LIPA: variants seen among roughly 807,000 people sequenced by gnomAD.
LIPA encodes the protein lipase A, lysosomal acid type.
A neutral mutation model predicts 40.6 loss-of-function variants in LIPA; 26 were observed. That is an observed-to-expected ratio of 0.64 (90% CI 0.47 to 0.89). The LOEUF is 0.89. LIPA is among the 40% of genes least tolerant of loss of function. The probability of loss-of-function intolerance (pLI) is 0.00; values close to 1 mark genes in which losing one functional copy is unlikely to be tolerated. For synonymous variants in LIPA, 188 were observed against 168.4 expected, an observed-to-expected ratio of 1.12 and a Z score of -0.90; for missense variants, 455 against 479.6, an observed-to-expected ratio of 0.95 and a Z score of 0.48.
rs570462903 is a variant in LIPA, at chr10:89,241,143, C to T, written c.229+4533G>A. ...GTTGAGAACAGAGGACAGGTCAGAGCGGTTAACCAGGAGGAAGAGGAGGGA... is the reference window on the plus strand; with the variant it reads ...GTTGAGAACAGAGGACAGGTCAGAGTGGTTAACCAGGAGGAAGAGGAGGGA... On this transcript the variant is annotated intron_variant, in intron 3 of 9. Transcript: ENST00000336233. 3.3e-5 allele frequency among the ~76,000 whole-genome samples: 5 copies of T among 152,248 alleles called. No homozygotes were observed. The East Asian group carries it at 7.7e-4, about 23-fold the overall frequency.
intron 2 of LIPA, among the ~76,000 whole-genome samples, chr10:89,395,010 T>A (rs1312113765): frequency 6.6e-6 from 1 of 152,234 alleles, no homozygotes; most frequent in East Asian, 1.9e-4. Context: ...AGTTGGACTT[T>A]CTCATTCCAG....
At chr10:89,359,618 C>G (rs1339776365) in intron 2 of LIPA, among the ~76,000 whole-genome samples, 1 of 152,160 alleles carries the variant, frequency 6.6e-6, no homozygotes, top group Non-Finnish European at 1.5e-5. Context: ...TGGACTGAAG[C>G]CCTCATCAAG....
chr10:89,307,161 A>G, intron 1 of LIPA: 1 of 1,614,044 alleles, frequency 6.2e-7, no homozygotes, highest in Non-Finnish European at 8.5e-7. Context: ...GTAAAAATAA[A>G]CCAGAAATCA....
chr10:89,359,490 G>C (rs1564799307), intron 2 of LIPA, among the ~76,000 whole-genome samples: 1 of 152,198 alleles, frequency 6.6e-6, no homozygotes, highest in Admixed American at 6.5e-5. Flanking sequence ...CAGGAAACCA[G>C]GTTGACCTGC....
intron 3 of LIPA, among the ~76,000 whole-genome samples, chr10:89,236,926 T>C (rs1842912312): frequency 6.6e-6 from 1 of 152,182 alleles, no homozygotes; most frequent in South Asian, 2.1e-4. Context: ...AGTTGGAGAA[T>C]TTAATGCCAA....
At chr10:89,359,727 G>T (rs774712921) in intron 2 of LIPA, among the ~76,000 whole-genome samples, 1 of 152,082 alleles carries the variant, frequency 6.6e-6, no homozygotes, top group Non-Finnish European at 1.5e-5. Flanking sequence ...AGGAAAACAC[G>T]TGTCACCTAA....
At position 89,289,849 on chromosome 10, in the gene LIPA, C is replaced by T. The variant is rs149679147; in HGVS notation, c.-1-42200G>A. On this transcript the variant is annotated intron_variant, in intron 1 of 5. Coordinates refer to the LIPA transcript ENST00000282673. ...GTTCCCATTCTTAGGCCACCCTCTA[C>T]CTCTCCCCAGCTATCTCCACCACAC... Among the ~76,000 whole-genome samples, 611 of 152,288 alleles carry T rather than the reference C, an allele frequency of 4.0e-3. 3 individuals carry two copies. The highest frequency in any genetic ancestry group is 6.8e-3 in the Middle Eastern group (2 of 294).
intron 2 of LIPA, among the ~76,000 whole-genome samples, chr10:89,348,508 TG>T: frequency 6.6e-6 from 1 of 152,338 alleles, no homozygotes; most frequent in East Asian, 1.9e-4. Flanking sequence ...TGAACAAAAC[TG>T]GGGTCCACTT....
intron 1 of LIPA, among the ~76,000 whole-genome samples, chr10:89,317,689 A>G (rs1201089776): frequency 6.6e-6 from 1 of 152,244 alleles, no homozygotes; most frequent in Non-Finnish European, 1.5e-5. Context: ...AAGGGAGGCT[A>G]ACATTCAAAT....
intron 1 of LIPA, among the ~76,000 whole-genome samples, chr10:89,313,596 G>A (rs1293003579): frequency 6.6e-6 from 1 of 152,178 alleles, no homozygotes; most frequent in Non-Finnish European, 1.5e-5. Flanking sequence ...ACTTGTGCAT[G>A]AATGTTCATA....
chr10:89,362,566 G>T, intron 2 of LIPA: 1 of 315,660 alleles, frequency 3.2e-6, no homozygotes. Context: ...ATCATCACAT[G>T]GGCAGGTGAC....
chr10:89,313,210 C>A (rs1843524805), intron 1 of LIPA, among the ~76,000 whole-genome samples: 1 of 152,178 alleles, frequency 6.6e-6, no homozygotes, highest in Admixed American at 6.5e-5. Flanking sequence ...GTATTTCTCA[C>A]AAGCTCTCAG....
chr10:89,386,490 C>T (rs149994788), intron 2 of LIPA, among the ~76,000 whole-genome samples: 218 of 152,344 alleles, frequency 1.4e-3, no homozygotes, highest in African/African-American at 5.0e-3. Flanking sequence ...GTGATTCAGG[C>T]TCACCTGGCC....
chr10:89,328,881 T>G (rs973201547), intron 1 of LIPA, among the ~76,000 whole-genome samples: 1 of 152,150 alleles, frequency 6.6e-6, no homozygotes, highest in African/African-American at 2.4e-5. Context: ...AAAAGAATCT[T>G]TTTAGAATCA....
At chr10:89,305,948 G>A in intron 1 of LIPA, 1 of 1,581,540 alleles carries the variant, frequency 6.3e-7, no homozygotes, top group Non-Finnish European at 8.7e-7. Context: ...CCATCTTTGT[G>A]TTTTTCCCTA....
rs41284118 is a variant in LIPA at position 89,225,245 on chromosome 10, C to T, written c.539-17G>A. ...CTATAAAACCTGTGAGAACAAAGGA[C>T]AGAAAACAGGAATTCCATCATCTGG... On this transcript the variant is annotated splice_polypyrimidine_tract_variant and intron_variant, in intron 5 of 9. Transcript: ENST00000336233. 3,076 of 1,613,978 alleles carry T rather than the reference C, an allele frequency of 1.9e-3. 6 individuals are homozygous for T. Among genetic ancestry groups the T allele is most frequent in the Non-Finnish European group, 2.2e-3 (2,632 of 1,179,888 alleles).
At chr10:89,335,232 T>C (rs2133554299) in intron 1 of LIPA, 1 of 152,308 alleles carries the variant, frequency 6.6e-6, no homozygotes, top group African/African-American at 2.4e-5. Flanking sequence ...TAGTTGACTA[T>C]CTTCCTGAAT....
In LIPA at chr10:89,360,204, G is replaced by C. The variant is rs568319487; in HGVS notation, c.61+52587C>G. Among the ~76,000 whole-genome samples the C allele has an allele frequency of 4.6e-5, 7 of 152,214 alleles. No homozygotes were observed. In the South Asian group the frequency reaches 1.5e-3, roughly 32 times the overall value. ...GAACCTGGAGGATTTTAAGTGCCTA[G>C]CATCTATTTAGAGAGTAACAACTAC... On this transcript the variant is annotated intron_variant, in intron 2 of 8. Transcript: ENST00000371837.
chr10:89,379,411 G>A (rs908422802), intron 2 of LIPA, among the ~76,000 whole-genome samples: 2 of 152,058 alleles, frequency 1.3e-5, no homozygotes, highest in African/African-American at 4.8e-5. Flanking sequence ...CATTATACTA[G>A]ATGTTAGAAA....
Sources: gnomAD v4.1 joint callset for allele counts (sites outside exome capture counted in the v4.1 genomes callset) on GRCh38, gnomAD v4.1.1 for gene constraint, MANE v1.5 for transcripts, NCBI Gene and HGNC (gene_info 2026-07-23, HGNC 2026-07-21) for gene names.